The following SLC39A8 variants were observed in gnomAD, a reference collection of about 807,000 sequenced individuals.
SLC39A8 encodes metal cation symporter ZIP8.
In SLC39A8, 15 loss-of-function variants were observed where a neutral mutation model predicts 40.4. That is an observed-to-expected ratio of 0.37 (90% confidence interval 0.25 to 0.57). The LOEUF (loss-of-function observed/expected upper bound fraction) is 0.57. Ranked by LOEUF, SLC39A8 falls within the 20% of genes least tolerant of loss-of-function variation. The pLI, the probability that SLC39A8 is intolerant of heterozygous loss-of-function variation, is 0.75. For synonymous variants in SLC39A8, 223 were observed against 221.6 expected, an observed-to-expected ratio of 1.01 and a Z score of -0.06; for missense variants, 472 against 558.8, an observed-to-expected ratio of 0.84 and a Z score of 1.57.
chr4:102,336,509 T>C (rs981919728), intron 2 of SLC39A8, among the ~76,000 whole-genome samples: 1 of 150,124 alleles, frequency 6.7e-6, no homozygotes, highest in African/African-American at 2.5e-5. Flanking sequence ...AGAGGCATTA[T>C]CAATGCTCAC....
chr4:102,264,875 C>T (rs1732029170), intron 8 of SLC39A8, among the ~76,000 whole-genome samples: 2 of 152,216 alleles, frequency 1.3e-5, no homozygotes, highest in East Asian at 1.9e-4. Flanking sequence ...TTCTTTACTT[C>T]TGTAAGCCAT....
chr4:102,291,229 T>C (rs1372334447), intron 6 of SLC39A8, among the ~76,000 whole-genome samples: 1 of 152,070 alleles, frequency 6.6e-6, no homozygotes, highest in Non-Finnish European at 1.5e-5. Context: ...AGCAAAATAA[T>C]GTTCCCCAGA....
intron 4 of SLC39A8, among the ~76,000 whole-genome samples, 184 bp from the exon 5 acceptor site, chr4:102,305,295 G>A (rs1020850130): frequency 1.3e-5 from 2 of 151,906 alleles, no homozygotes; most frequent in Non-Finnish European, 2.9e-5. Context: ...AAAACTGTAT[G>A]AGATGGCACA....
chr4:102,290,097 A>C (rs233811), intron 6 of SLC39A8, among the ~76,000 whole-genome samples: 44,645 of 151,946 alleles, frequency 0.29, 6,732 homozygotes, highest in South Asian at 0.35. Context: ...GTCACTCCAA[A>C]CTTCAGCAAC....
At chr4:102,315,028 T>G (rs1734597501) in intron 3 of SLC39A8, among the ~76,000 whole-genome samples, 1 of 152,154 alleles carries the variant, frequency 6.6e-6, no homozygotes, top group African/African-American at 2.4e-5. Flanking sequence ...GAACAATTGG[T>G]TTATCTCATT....
rs991466824 is a variant in SLC39A8, at chr4:102,283,895, C to T, written c.841-15816G>A. Among the ~76,000 whole-genome samples the T allele has an allele frequency of 3.3e-5, 5 of 152,254 alleles. 1 individual carries two copies. In the South Asian group the frequency reaches 1.0e-3, roughly 32 times the overall value. ...GTTCCTAAAACCCACTGAACTGTTT[C>T]CTACCATAGAGATTTCTCACTGGCT... On this transcript the variant is annotated intron_variant, in intron 6 of 8. Transcript: ENST00000356736.
Position 102,307,640 on chromosome 4 carries a change from T to C in SLC39A8, c.383-35A>G, listed in dbSNP as rs1260075407. ...AGAGGGAAAAGAGAGTAGAAATTAA[T>C]CAGAGCAAGGAACCAAATGATGTTT... On this transcript the variant is annotated intron_variant, in intron 3 of 8. Transcript: ENST00000356736. 3.1e-6 allele frequency: 5 copies of C among 1,597,170 alleles called. No individual in the cohort carries two copies. In the East Asian group the frequency reaches 8.9e-5, roughly 29 times the overall value.
chr4:102,338,203 T>TC (rs1313355242), intron 2 of SLC39A8, among the ~76,000 whole-genome samples: 2 of 151,094 alleles, frequency 1.3e-5, no homozygotes, highest in Non-Finnish European at 2.9e-5. Context: ...TTTTTTTTTT[T>TC]CGAGACGGAG....
intron 6 of SLC39A8, among the ~76,000 whole-genome samples, chr4:102,272,817 G>A (rs1210755088): frequency 1.3e-5 from 2 of 151,982 alleles, no homozygotes; most frequent in East Asian, 3.9e-4. Flanking sequence ...GCAGAAGCAG[G>A]GTGAGGACCC....
downstream of SLC39A8, among the ~76,000 whole-genome samples, chr4:102,260,086 A>G (rs1452667135): frequency 6.6e-6 from 1 of 152,230 alleles, no homozygotes; most frequent in Admixed American, 6.5e-5. Context: ...ATTAGGAAAG[A>G]CTGCTCAGAT....
intron 6 of SLC39A8, among the ~76,000 whole-genome samples, chr4:102,274,711 T>C (rs912628782): frequency 3.3e-5 from 5 of 152,156 alleles, no homozygotes; most frequent in East Asian, 1.9e-4. Context: ...GGAAAGGTCA[T>C]GTTACCTAAA....
chr4:102,261,452 A>G (rs1731851598), downstream of SLC39A8, among the ~76,000 whole-genome samples: 2 of 152,214 alleles, frequency 1.3e-5, no homozygotes, highest in Admixed American at 1.3e-4. Flanking sequence ...CTACTAAGTA[A>G]CGAGAGATCA....
chr4:102,303,909 A>T (rs985288980), intron 6 of SLC39A8, among the ~76,000 whole-genome samples: 1 of 151,956 alleles, frequency 6.6e-6, no homozygotes, highest in Non-Finnish European at 1.5e-5. Context: ...TCAGACAATT[A>T]ATAAAAACAA....
At chr4:102,303,483 A>G (rs561217687) in intron 6 of SLC39A8, among the ~76,000 whole-genome samples, 1 of 152,114 alleles carries the variant, frequency 6.6e-6, no homozygotes, top group East Asian at 1.9e-4. Flanking sequence ...AGCTGAAATT[A>G]TAAGACAAAC....
intron 2 of SLC39A8, among the ~76,000 whole-genome samples, chr4:102,342,967 T>C (rs912129809): frequency 6.6e-6 from 1 of 152,244 alleles, no homozygotes; most frequent in Non-Finnish European, 1.5e-5. Flanking sequence ...CTGGAAATAC[T>C]GGAGTCAGCT....
At chr4:102,316,800 G>C (rs1734680868) in intron 2 of SLC39A8, among the ~76,000 whole-genome samples, 1 of 152,132 alleles carries the variant, frequency 6.6e-6, no homozygotes, top group Non-Finnish European at 1.5e-5. Context: ...AATCCCCAGT[G>C]TGATGGTATT....
At chr4:102,272,096 TG>T (rs1732386600) in intron 6 of SLC39A8, among the ~76,000 whole-genome samples, 2 of 151,976 alleles carry the variant, frequency 1.3e-5, no homozygotes, top group African/African-American at 4.8e-5. Flanking sequence ...CCCAGCACTA[TG>T]GGATGCCAAG....
At chr4:102,263,600 T>C (rs1731961527) in intron 8 of SLC39A8, among the ~76,000 whole-genome samples, 1 of 152,206 alleles carries the variant, frequency 6.6e-6, no homozygotes, top group African/African-American at 2.4e-5. Context: ...TGGAAATTTC[T>C]TAAAATAAGA....
chr4:102,319,861 C>T (rs922330696), intron 2 of SLC39A8, among the ~76,000 whole-genome samples: 4 of 151,888 alleles, frequency 2.6e-5, no homozygotes, highest in African/African-American at 9.7e-5. Context: ...CGGTGGACTC[C>T]GTTAAGTAGA....
Sources: allele counts gnomAD v4.1 joint callset (sites outside exome capture counted in the v4.1 genomes callset), GRCh38; gene constraint gnomAD v4.1.1; transcripts MANE v1.5; gene names NCBI Gene and HGNC (gene_info 2026-07-23, HGNC 2026-07-21).